The following CCDC102B variants were observed in gnomAD, a reference collection of about 807,000 sequenced individuals.
The protein encoded by CCDC102B is coiled-coil domain-containing protein 102B.
In CCDC102B, 75 loss-of-function variants were observed where a neutral mutation model predicts 57.4. The ratio of observed to expected loss-of-function variants is 1.31; its 90% CI spans 1.08 to 1.58. The LOEUF is 1.58. Among genes scored for constraint, CCDC102B ranks in the 40% most tolerant of loss-of-function variants. The pLI is 0.00. For missense variants in CCDC102B, 636 were observed against 582.6 expected (o/e 1.09, Z -0.94); for synonymous variants, 206 against 201.9 (o/e 1.02, Z -0.17).
intron 2 of CCDC102B, among the ~76,000 whole-genome samples, chr18:68,725,177 G>A (rs921566497): frequency 2.0e-5 from 3 of 152,172 alleles, no homozygotes; most frequent in Non-Finnish European, 4.4e-5. Flanking sequence ...ATCTGGTCCT[G>A]CCCTTGACAT....
chr18:68,757,025 G>A (rs2034075886), intron 2 of CCDC102B, among the ~76,000 whole-genome samples: 1 of 152,036 alleles, frequency 6.6e-6, no homozygotes, highest in African/African-American at 2.4e-5. Flanking sequence ...CCTCCTTAAA[G>A]TGTCATTTCC....
chr18:68,781,613 C>T (rs2035010645), intron 2 of CCDC102B, among the ~76,000 whole-genome samples: 1 of 152,052 alleles, frequency 6.6e-6, no homozygotes, highest in Admixed American at 6.6e-5. Flanking sequence ...AACAAAAGTT[C>T]TCCATTACTT....
At chr18:68,930,223 A>G (rs1323383544) in intron 6 of CCDC102B, among the ~76,000 whole-genome samples, 6 of 148,386 alleles carry the variant, frequency 4.0e-5, no homozygotes, top group Non-Finnish European at 7.4e-5. Context: ...ACATTATATA[A>G]TTATATATAT....
chr18:68,787,654 T>A (rs2035263015), intron 2 of CCDC102B, among the ~76,000 whole-genome samples: 1 of 148,748 alleles, frequency 6.7e-6, no homozygotes, highest in East Asian at 2.0e-4. Context: ...AGTTTGTATT[T>A]CTGTGGGATC....
intron 6 of CCDC102B, among the ~76,000 whole-genome samples, chr18:69,000,506 G>A (rs567674401): frequency 2.4e-4 from 37 of 152,010 alleles, no homozygotes; most frequent in Non-Finnish European, 4.3e-4. Context: ...ACATATATAT[G>A]AATGCCTTAG....
At chr18:68,935,533 C>T (rs189685119) in intron 6 of CCDC102B, among the ~76,000 whole-genome samples, 93 of 151,926 alleles carry the variant, frequency 6.1e-4, no homozygotes, top group Middle Eastern at 3.4e-3. Context: ...AACCATGTGG[C>T]GATGTCAAAT....
intron 6 of CCDC102B, among the ~76,000 whole-genome samples, chr18:68,950,666 T>C (rs1264319046): frequency 6.6e-6 from 1 of 152,178 alleles, no homozygotes; most frequent in African/African-American, 2.4e-5. Flanking sequence ...ATGATCATTT[T>C]GGCATATACA....
At chr18:69,038,037 G>A (rs935208618) in intron 7 of CCDC102B, among the ~76,000 whole-genome samples, 3 of 151,966 alleles carry the variant, frequency 2.0e-5, no homozygotes, top group Non-Finnish European at 2.9e-5. Flanking sequence ...TAAAATATCA[G>A]AATGTTTAAG....
chr18:69,027,315 T>C (rs1181271467), intron 7 of CCDC102B, among the ~76,000 whole-genome samples: 2 of 152,180 alleles, frequency 1.3e-5, no homozygotes, highest in Non-Finnish European at 2.9e-5. Flanking sequence ...CTCTGCTTCT[T>C]GACATTATTA....
intron 5 of CCDC102B, among the ~76,000 whole-genome samples, chr18:68,888,156 A>G (rs2039954102): frequency 6.6e-6 from 1 of 152,216 alleles, no homozygotes. Flanking sequence ...TAAAGAACAT[A>G]GATAAGGAAA....
At chr18:68,890,808 AC>A (rs1174240582) in intron 5 of CCDC102B, among the ~76,000 whole-genome samples, 1 of 152,160 alleles carries the variant, frequency 6.6e-6, no homozygotes, top group Non-Finnish European at 1.5e-5. Flanking sequence ...GTAACAATAG[AC>A]TACTACTCCT....
chr18:68,874,769 G>T lies in CCDC102B; in HGVS notation c.1037G>T (p.Cys346Phe), dbSNP rs745894. 0.17 allele frequency: 278,116 copies of T among 1,601,584 alleles called. 25,534 individuals carry two copies. The highest frequency in any genetic ancestry group is 0.28 in the African/African-American group (21,187 of 74,636). Residue 346 changes from cysteine to phenylalanine, a missense_variant, in exon 5 of 8, where the codon TGT becomes TTT. Physicochemically the swap from Cys to Phe is radical, Grantham distance 205 (BLOSUM62 -2). Coordinates refer to ENST00000360242, the MANE Select transcript of CCDC102B (RefSeq NM_024781.3). Reference sequence around the variant, plus strand: ...CAAAACAGCAAAGACAGAGTGATTTGTGAGTTAAGAGCAGAGGTAAGACAC... The same window carrying T: ...CAAAACAGCAAAGACAGAGTGATTTTTGAGTTAAGAGCAGAGGTAAGACAC... ...KSQNSKDRVI[C>F]ELRAELERLQ...
chr18:68,988,251 G>T (rs2050774267), intron 6 of CCDC102B, among the ~76,000 whole-genome samples: 1 of 152,082 alleles, frequency 6.6e-6, no homozygotes, highest in Non-Finnish European at 1.5e-5. Context: ...CAGCAACATG[G>T]ATGTAGCTGG....
At chr18:69,004,572 G>A (rs888969927) in intron 6 of CCDC102B, among the ~76,000 whole-genome samples, 4 of 151,948 alleles carry the variant, frequency 2.6e-5, no homozygotes, top group Non-Finnish European at 4.4e-5. Context: ...AGAGGCACAG[G>A]GCAGAAACTT....
At chr18:68,813,227 A>G (rs948281640) in intron 1 of CCDC102B, among the ~76,000 whole-genome samples, 1 of 152,024 alleles carries the variant, frequency 6.6e-6, no homozygotes, top group African/African-American at 2.4e-5. Flanking sequence ...TCGCCATAAT[A>G]AGATGGGCTT....
At chr18:69,003,188 C>A (rs1373398899) in intron 6 of CCDC102B, among the ~76,000 whole-genome samples, 1 of 151,866 alleles carries the variant, frequency 6.6e-6, no homozygotes, top group Non-Finnish European at 1.5e-5. Context: ...TAACAAGAAA[C>A]AAATAATATT....
At chr18:68,956,363 A>ATATAT (rs1432031336) in intron 6 of CCDC102B, among the ~76,000 whole-genome samples, 1,138 of 26,912 alleles carry the variant, frequency 0.042, 47 homozygotes, top group African/African-American at 0.076. Flanking sequence ...TATATATAAT[A>ATATAT]TATATATAAA....
intron 1 of CCDC102B, among the ~76,000 whole-genome samples, chr18:68,799,225 A>G (rs1376861963): frequency 6.6e-6 from 1 of 152,172 alleles, no homozygotes. Context: ...AAGAAGATTT[A>G]TAAGTTAGCG....
At position 68,784,765 on chromosome 18, in the gene CCDC102B, T is replaced by A. The variant is rs1444947123; in HGVS notation, c.-66-38601T>A. Among the ~76,000 whole-genome samples the A allele has an allele frequency of 2.0e-5, 3 of 152,094 alleles. No homozygotes were observed. The East Asian group carries it at 5.8e-4, about 29-fold the overall frequency. On this transcript the variant is annotated intron_variant, in intron 2 of 3. Coordinates refer to the CCDC102B transcript ENST00000578970. The stretch of plus-strand genomic sequence containing the variant: ...TGTTAGGATCAAGAACAAACCTAGA[T>A]CTTTTAGTACTTGGTTCAGATTGTC...
Sources: allele counts gnomAD v4.1 joint callset (sites outside exome capture counted in the v4.1 genomes callset), GRCh38; gene constraint gnomAD v4.1.1; transcripts MANE v1.5; gene names NCBI Gene and HGNC (gene_info 2026-07-23, HGNC 2026-07-21).